CLCN3: variants seen among roughly 807,000 people sequenced by gnomAD.
CLCN3 encodes the protein H(+)/Cl(-) exchange transporter 3.
CLCN3 carries 16 observed loss-of-function variants against 83.4 expected under a neutral mutation model. That is an observed-to-expected ratio of 0.19 (90% CI 0.13 to 0.29). The LOEUF is 0.29. Among genes scored for constraint, CLCN3 ranks in the 10% least tolerant of loss-of-function variants. CLCN3 has a pLI of 1.00. For synonymous variants in CLCN3, 322 were observed against 346.2 expected (o/e 0.93, Z 0.78); for missense variants, 544 against 1,006.0 (o/e 0.54, Z 6.21).
chr4:169,680,892 A>C (rs1393033822), intron 3 of CLCN3, among the ~76,000 whole-genome samples: 1 of 152,140 alleles, frequency 6.6e-6, no homozygotes, highest in African/African-American at 2.4e-5. Flanking sequence ...TCTTCTGCCC[A>C]TGCTGGAGTA....
chr4:169,658,438 C>T (rs1730949876), intron 2 of CLCN3, among the ~76,000 whole-genome samples: 3 of 151,696 alleles, frequency 2.0e-5, no homozygotes, highest in South Asian at 2.1e-4. Context: ...CTACAAATAC[C>T]GGGAAAACTT....
chr4:169,638,250 C>T (rs979339360), intron 2 of CLCN3, among the ~76,000 whole-genome samples: 1 of 152,174 alleles, frequency 6.6e-6, no homozygotes, highest in Admixed American at 6.5e-5. Context: ...TTTACCACTT[C>T]ATGGAAAATG....
At chr4:169,669,235 A>G (rs1156546296) in intron 2 of CLCN3, among the ~76,000 whole-genome samples, 3 of 152,256 alleles carry the variant, frequency 2.0e-5, no homozygotes, top group East Asian at 1.9e-4. Flanking sequence ...GAAAAGACTT[A>G]AAATCGTAAA....
At chr4:169,683,507 AC>A (rs1478943683) in intron 3 of CLCN3, among the ~76,000 whole-genome samples, 1 of 152,146 alleles carries the variant, frequency 6.6e-6, no homozygotes, top group Non-Finnish European at 1.5e-5. Flanking sequence ...TCCAAAACAA[AC>A]AAAAAACACT....
At chr4:169,684,372 A>G (rs1348992745) in intron 3 of CLCN3, among the ~76,000 whole-genome samples, 1 of 151,994 alleles carries the variant, frequency 6.6e-6, no homozygotes, top group Non-Finnish European at 1.5e-5. Flanking sequence ...GACCAATGAG[A>G]TTTTTTGCTT....
chr4:169,638,114 C>T (rs1460371075), intron 2 of CLCN3, among the ~76,000 whole-genome samples: 1 of 151,962 alleles, frequency 6.6e-6, no homozygotes, highest in African/African-American at 2.4e-5. Flanking sequence ...CACATCTGTT[C>T]TTTCCTCTCC....
rs992977850 is a variant in CLCN3, at chr4:169,621,007, A to G, written c.-73A>G. ...GGTTCTAGGTTTGAAACAGATGCAG[A>G]ATCCAAAGGCAGCGCAAAAAACAGC... On this transcript the variant is annotated 5_prime_UTR_variant, in exon 1 of 13. Transcript: ENST00000513761. The G allele has an allele frequency of 2.8e-5, 11 of 397,944 alleles. No individual in the cohort carries two copies. Among genetic ancestry groups the G allele is most frequent in the African/African-American group, 2.1e-4 (10 of 48,614 alleles). The allele number at this position is 397,944 out of a possible 1,614,324, so 24.7% of individuals were successfully genotyped here.
At chr4:169,636,280 G>A (rs1483925007) in intron 2 of CLCN3, among the ~76,000 whole-genome samples, 192 bp downstream of exon 2, 3 of 152,128 alleles carry the variant, frequency 2.0e-5, no homozygotes, top group Non-Finnish European at 2.9e-5. Flanking sequence ...TGCAACTACC[G>A]TTTCTATCTC....
At chr4:169,636,423 A>G (rs1015905955) in intron 2 of CLCN3, among the ~76,000 whole-genome samples, 38 of 152,190 alleles carry the variant, frequency 2.5e-4, no homozygotes, top group African/African-American at 8.2e-4. Context: ...CAAAGTGAAC[A>G]TTTATTATAT....
At chr4:169,711,411 T>A (rs1049131248) in intron 11 of CLCN3, among the ~76,000 whole-genome samples, 3 of 152,228 alleles carry the variant, frequency 2.0e-5, no homozygotes, top group African/African-American at 7.2e-5. Context: ...TTGCCTGGGC[T>A]GGAGTGCAAT....
chr4:169,626,645 C>G (rs1773242759), intron 1 of CLCN3, among the ~76,000 whole-genome samples: 1 of 152,162 alleles, frequency 6.6e-6, no homozygotes, highest in African/African-American at 2.4e-5. Flanking sequence ...AGAAGAGATT[C>G]TGTTTTCTGA....
At chr4:169,644,989 T>C (rs971181419) in intron 2 of CLCN3, among the ~76,000 whole-genome samples, 14 of 152,228 alleles carry the variant, frequency 9.2e-5, no homozygotes, top group Non-Finnish European at 1.9e-4. Flanking sequence ...AAAGGAACAC[T>C]GCCCTGCTGA....
At chr4:169,631,944 A>G (rs1773382303) in intron 1 of CLCN3, among the ~76,000 whole-genome samples, 1 of 152,206 alleles carries the variant, frequency 6.6e-6, no homozygotes, top group Non-Finnish European at 1.5e-5. Context: ...TACCAACCAG[A>G]AAAGCCCTGG....
chr4:169,710,711 A>G (rs532800037), intron 11 of CLCN3, among the ~76,000 whole-genome samples: 1 of 152,240 alleles, frequency 6.6e-6, no homozygotes, highest in Non-Finnish European at 1.5e-5. Context: ...TGTTTAAACA[A>G]TCAGTATAAT....
At chr4:169,701,084 T>C (rs1296037533) in intron 9 of CLCN3, among the ~76,000 whole-genome samples, 1 of 152,180 alleles carries the variant, frequency 6.6e-6, no homozygotes, top group East Asian at 1.9e-4. Context: ...TTACCTACAG[T>C]AGACCTTCTT....
chr4:169,640,208 C>T (rs914056630), intron 2 of CLCN3, among the ~76,000 whole-genome samples: 1 of 152,182 alleles, frequency 6.6e-6, no homozygotes, highest in Non-Finnish European at 1.5e-5. Context: ...GTACCCCCAA[C>T]GTAAGCAGTT....
intron 10 of CLCN3, among the ~76,000 whole-genome samples, chr4:169,704,780 T>G (rs1027034148): frequency 3.3e-5 from 5 of 152,210 alleles, no homozygotes; most frequent in African/African-American, 1.2e-4. Flanking sequence ...GTTATTGCTT[T>G]TCATATTTAA....
rs957529805 is a variant in CLCN3, at chr4:169,721,523, A to T, written c.*1526A>T. The T allele has an allele frequency of 6.7e-5, 10 of 148,790 alleles. No homozygotes were observed. Among genetic ancestry groups the T allele is most frequent in the African/African-American group, 2.4e-4 (9 of 38,110 alleles). The allele number at this position is 148,790 out of a possible 1,614,324, so 9.2% of individuals were successfully genotyped here. A position where few individuals can be genotyped will look rare whatever the true frequency, so the allele number is the denominator to read the frequency against. Reference sequence around the variant, plus strand: ...AGAATAAAACCGAAAGTTCGTGTATACCTTCTTAAAAAAAAAATCAAACCA... The same window carrying T: ...AGAATAAAACCGAAAGTTCGTGTATTCCTTCTTAAAAAAAAAATCAAACCA... On this transcript the variant is annotated 3_prime_UTR_variant, in exon 13 of 13. Transcript: ENST00000513761.
At position 169,720,060 on chromosome 4, in the gene CLCN3, C is replaced by G. The variant is rs771109398; in HGVS notation, c.*63C>G. 2 of 1,596,222 alleles carry G rather than the reference C, an allele frequency of 1.3e-6. No individual in the cohort carries two copies. The highest frequency in any genetic ancestry group is 2.3e-5 in the South Asian group (2 of 87,138). On this transcript the variant is annotated 3_prime_UTR_variant, in exon 13 of 13. Coordinates refer to ENST00000513761, the MANE Select transcript of CLCN3 (RefSeq NM_001829.4). ...AGTTTATTTGTTGAATAGCACAACT[C>G]TTTAACCTGAGGGAGTCATCTACTT...
Sources: gnomAD v4.1 joint callset for allele counts (sites outside exome capture counted in the v4.1 genomes callset) on GRCh38, gnomAD v4.1.1 for gene constraint, MANE v1.5 for transcripts, NCBI Gene and HGNC (gene_info 2026-07-23, HGNC 2026-07-21) for gene names.